Variants in DLG2 observed in about 807,000 individuals in gnomAD.
DLG2 encodes the protein disks large homolog 2.
In DLG2, 45 loss-of-function variants were observed where a neutral mutation model predicts 132.5. That is an observed-to-expected ratio of 0.34 (90% confidence interval 0.27 to 0.44). The LOEUF is 0.44. Among genes scored for constraint, DLG2 ranks in the 20% least tolerant of loss-of-function variants. The pLI is 1.00. For synonymous variants in DLG2, 424 were observed against 419.6 expected, an observed-to-expected ratio of 1.01 and a Z score of -0.13; for missense variants, 1,045 against 1,196.9, an observed-to-expected ratio of 0.87 and a Z score of 1.87.
At chr11:85,349,862 C>T (rs1462215763) in intron 3 of DLG2, among the ~76,000 whole-genome samples, 1 of 152,144 alleles carries the variant, frequency 6.6e-6, no homozygotes, top group East Asian at 1.9e-4. Context: ...AATAGTGCTG[C>T]AGTAAACATA....
intron 16 of DLG2, among the ~76,000 whole-genome samples, chr11:83,840,536 A>G (rs1415555697): frequency 6.6e-6 from 1 of 152,210 alleles, no homozygotes; most frequent in Non-Finnish European, 1.5e-5. Context: ...ACTGGAAGAC[A>G]CATTTCATCT....
chr11:85,292,246 T>G (rs2078939919), intron 3 of DLG2, among the ~76,000 whole-genome samples: 1 of 152,132 alleles, frequency 6.6e-6, no homozygotes, highest in Non-Finnish European at 1.5e-5. Context: ...GAAGTGGAAT[T>G]TTCAATAAAG....
intron 23 of DLG2, among the ~76,000 whole-genome samples, chr11:83,472,083 A>G (rs928997004): frequency 2.0e-5 from 3 of 152,168 alleles, no homozygotes; most frequent in Admixed American, 2.0e-4. Flanking sequence ...CTGTTTGGCT[A>G]TTGTTTAGAT....
intron 15 of DLG2, among the ~76,000 whole-genome samples, chr11:83,885,916 C>G (rs561190895): frequency 9.2e-5 from 14 of 152,242 alleles, no homozygotes; most frequent in Admixed American, 4.6e-4. Flanking sequence ...TTTGTCACCA[C>G]CAGGCCTGCC....
intron 6 of DLG2, among the ~76,000 whole-genome samples, chr11:84,892,246 T>C (rs2089514317): frequency 6.6e-6 from 1 of 152,100 alleles, no homozygotes; most frequent in South Asian, 2.1e-4. Context: ...GATAATTGAG[T>C]CATATTGGGA....
chr11:84,300,897 T>C (rs1249668016), intron 7 of DLG2, among the ~76,000 whole-genome samples: 3 of 152,194 alleles, frequency 2.0e-5, no homozygotes, highest in African/African-American at 7.2e-5. Flanking sequence ...TAGAAGCAAT[T>C]TGGCAATTAA....
chr11:84,944,762 G>A (rs1278346639), intron 6 of DLG2, among the ~76,000 whole-genome samples: 1 of 151,850 alleles, frequency 6.6e-6, no homozygotes, highest in African/African-American at 2.4e-5. Context: ...GTGCCACCAT[G>A]CCCGGCTAAT....
intron 7 of DLG2, among the ~76,000 whole-genome samples, chr11:84,373,367 C>T (rs917532189): frequency 6.6e-6 from 1 of 150,932 alleles, no homozygotes; most frequent in African/African-American, 2.4e-5. Context: ...CTCAGGAGTT[C>T]GAGACCAGCC....
chr11:84,999,776 A>G (rs1487231572), intron 6 of DLG2, among the ~76,000 whole-genome samples: 1 of 152,130 alleles, frequency 6.6e-6, no homozygotes. Context: ...GGTTCACACA[A>G]TTGGATACTC....
chr11:84,474,903 G>A (rs550085727), intron 7 of DLG2, among the ~76,000 whole-genome samples: 1 of 152,044 alleles, frequency 6.6e-6, no homozygotes, highest in Non-Finnish European at 1.5e-5. Flanking sequence ...ATTGAAAAAT[G>A]CTTTTGTCTA....
Position 84,640,964 on chromosome 11 carries a change from AC to A in DLG2, c.358-106234del, listed in dbSNP as rs765235741. Among the ~76,000 whole-genome samples, 83 of 144,786 alleles carry A rather than the reference AC, an allele frequency of 5.7e-4. 2 individuals carry two copies. The highest frequency in any genetic ancestry group is 1.9e-3 in the African/African-American group (73 of 37,974). 95.0% of individuals were successfully genotyped at this position (144,786 alleles called of 152,430 possible). A position where few individuals can be genotyped will look rare whatever the true frequency, so the allele number is the denominator to read the frequency against. On this transcript the variant is annotated intron_variant, in intron 6 of 27. Transcript: ENST00000376104. ...CAAAACAAACAAACAAAAAAAAAAAACAAAAAAAAAACAACTATTGATTTGG... is the reference window on the plus strand; with the variant it reads ...CAAAACAAACAAACAAAAAAAAAAAAAAAAAAAAAACAACTATTGATTTGG...
At chr11:83,867,261 C>T (rs1442240567) in intron 16 of DLG2, among the ~76,000 whole-genome samples, 2 of 152,110 alleles carry the variant, frequency 1.3e-5, no homozygotes, top group Admixed American at 6.6e-5. Context: ...CTTCTCCAAG[C>T]TTTAGTGTCT....
Position 84,237,777 on chromosome 11 carries a change from C to T in DLG2, c.573+13461G>A, listed in dbSNP as rs1166220996. Among the ~76,000 whole-genome samples, 11 of 152,188 alleles carry T rather than the reference C, an allele frequency of 7.2e-5. No individual in the cohort carries two copies. In the South Asian group the frequency reaches 2.3e-3, roughly 32 times the overall value. ...ACACAGCCGGGCATGGTGGCTTATG[C>T]CTATAATCCCAGCACTTTGGGAGGC... On this transcript the variant is annotated intron_variant, in intron 8 of 27. Coordinates refer to ENST00000376104, the MANE Select transcript of DLG2 (RefSeq NM_001142699.3).
chr11:84,744,897 CTA>C (rs778696087), intron 6 of DLG2, among the ~76,000 whole-genome samples: 1 of 93,972 alleles, frequency 1.1e-5, no homozygotes, highest in Non-Finnish European at 2.1e-5. Context: ...AAGTAAAGGT[CTA>C]AAAAAAAAAA....
At chr11:84,338,083 C>G (rs2098496021) in intron 7 of DLG2, among the ~76,000 whole-genome samples, 1 of 149,622 alleles carries the variant, frequency 6.7e-6, no homozygotes, top group South Asian at 2.1e-4. Context: ...AACTTGGTAC[C>G]AAAAAAAAAT....
intron 3 of DLG2, among the ~76,000 whole-genome samples, chr11:85,427,599 C>T (rs1438646002): frequency 2.0e-5 from 3 of 152,176 alleles, no homozygotes; most frequent in African/African-American, 4.8e-5. Flanking sequence ...CACCACCAGC[C>T]CTGCCCTAAA....
chr11:83,929,912 T>A (rs2154129823), intron 15 of DLG2, among the ~76,000 whole-genome samples: 1 of 152,346 alleles, frequency 6.6e-6, no homozygotes, highest in African/African-American at 2.4e-5. Context: ...TAATAGTGCA[T>A]ATTTCTTAGG....
At chr11:83,704,570 A>G (rs1304655852) in intron 18 of DLG2, among the ~76,000 whole-genome samples, 1 of 150,998 alleles carries the variant, frequency 6.6e-6, no homozygotes, top group Non-Finnish European at 1.5e-5. Flanking sequence ...TAATCTTAGC[A>G]TTTTGGGAGG....
intron 4 of DLG2, among the ~76,000 whole-genome samples, chr11:85,180,237 C>T (rs1391330440): frequency 6.6e-6 from 1 of 151,780 alleles, no homozygotes; most frequent in Non-Finnish European, 1.5e-5. Context: ...GAGAAATCCA[C>T]CAGAGAACAG....
Sources: gnomAD v4.1 joint callset for allele counts (sites outside exome capture counted in the v4.1 genomes callset) on GRCh38, gnomAD v4.1.1 for gene constraint, MANE v1.5 for transcripts, NCBI Gene and HGNC (gene_info 2026-07-23, HGNC 2026-07-21) for gene names.